Variants in ADAM19 observed in about 807,000 individuals in gnomAD.
ADAM19 encodes the protein disintegrin and metalloproteinase domain-containing protein 19.
A neutral mutation model predicts 114.7 loss-of-function variants in ADAM19; 65 were observed. The observed-to-expected ratio is 0.57, with a 90% CI of 0.46 to 0.70. The LOEUF (loss-of-function observed/expected upper bound fraction) is 0.70. Among genes scored for constraint, ADAM19 ranks in the 30% least tolerant of loss-of-function variants. The pLI is 0.00. For missense variants in ADAM19, 1,063 were observed against 1,204.7 expected (o/e 0.88, Z 1.74); for synonymous variants, 466 against 460.5 (o/e 1.01, Z -0.15).
rs1308690019 is a variant in ADAM19, at chr5:157,479,522, A to G, written c.*1427T>C. The stretch of plus-strand genomic sequence containing the variant: ...AGCAAACATCTCCAGGTGCTTTGCA[A>G]AAACCGTCCTATCTAGCAAAGCACC... On this transcript the variant is annotated 3_prime_UTR_variant, in exon 23 of 23. Transcript: ENST00000257527. 1 of 985,760 alleles carries G rather than the reference A, an allele frequency of 1.0e-6. No homozygotes were observed. The highest frequency in any genetic ancestry group is 1.2e-6 in the Non-Finnish European group (1 of 829,964). The allele number at this position is 985,760 out of a possible 1,614,324, so 61.1% of individuals were successfully genotyped here. A position where few individuals can be genotyped will look rare whatever the true frequency, so the allele number is the denominator to read the frequency against.
rs1456226824 is a variant in ADAM19, at chr5:157,499,557, GA to G, written c.1398+15del. ...GTCAGGCCAGGGCCCAAGGCGTGGA[GA>G]AAAGGGCCACTTACCTTACACTGGT... On this transcript the variant is annotated intron_variant, in intron 13 of 22. Coordinates refer to ENST00000257527, the MANE Select transcript of ADAM19 (RefSeq NM_033274.5). The G allele has an allele frequency of 6.2e-7, 1 of 1,609,396 alleles. No individual in the cohort carries two copies. The highest frequency in any genetic ancestry group is 8.5e-7 in the Non-Finnish European group (1 of 1,177,070).
intron 7 of ADAM19, among the ~76,000 whole-genome samples, chr5:157,516,024 A>G (rs759962986): frequency 6.6e-6 from 1 of 152,174 alleles, no homozygotes; most frequent in Non-Finnish European, 1.5e-5. Flanking sequence ...CAGAGCCCCA[A>G]GGCTCTGTCT....
At chr5:157,500,272 G>T (rs1432424605) in intron 12 of ADAM19, among the ~76,000 whole-genome samples, 1 of 152,048 alleles carries the variant, frequency 6.6e-6, no homozygotes, top group East Asian at 1.9e-4. Flanking sequence ...AAGTAGCTGG[G>T]ACCACAGGCA....
intron 3 of ADAM19, among the ~76,000 whole-genome samples, chr5:157,544,055 G>A (rs1049920478): frequency 1.3e-5 from 2 of 152,200 alleles, no homozygotes; most frequent in Non-Finnish European, 2.9e-5. Context: ...TGGCCCTAAA[G>A]CCAAATAAGG....
intron 5 of ADAM19, among the ~76,000 whole-genome samples, chr5:157,525,917 G>A (rs982344276): frequency 1.3e-5 from 2 of 152,084 alleles, no homozygotes; most frequent in Non-Finnish European, 2.9e-5. Context: ...GTTTTCGAAG[G>A]CAGGGCTGCT....
At chr5:157,573,942 C>T (rs112724886) in intron 1 of ADAM19, among the ~76,000 whole-genome samples, 2,149 of 152,230 alleles carry the variant, frequency 0.014, 40 homozygotes, top group South Asian at 0.095. Flanking sequence ...TGTTTGCTAC[C>T]TCATTAATGA....
chr5:157,513,172 C>A (rs535633313), intron 8 of ADAM19, among the ~76,000 whole-genome samples: 85 of 152,138 alleles, frequency 5.6e-4, no homozygotes, highest in Middle Eastern at 3.4e-3. Context: ...CAAAAAAAAA[C>A]CACACATTGA....
At position 157,502,973 on chromosome 5, in the gene ADAM19, AG is replaced by A; in HGVS notation, c.1137del (p.Val383CysfsTer68). 1 of 1,613,708 alleles carries A rather than the reference AG, an allele frequency of 6.2e-7. No homozygotes were observed. Among genetic ancestry groups the A allele is most frequent in the Non-Finnish European group, 8.5e-7 (1 of 1,179,626 alleles). ...GCIMAAATGH[P>X]FPKVFNGCNR... ...TTGCATCCATTGAACACTTTGGGAA[AG>A]GGGTGCCTGGCAGAGGACAAGGCTG... On this transcript the variant is annotated frameshift_variant, in exon 12 of 23. Coordinates refer to ENST00000257527, the MANE Select transcript of ADAM19 (RefSeq NM_033274.5). LOFTEE classifies it high-confidence loss of function.
intron 2 of ADAM19, chr5:157,568,193 G>T (rs150490975): frequency 6.6e-6 from 1 of 152,200 alleles, no homozygotes; most frequent in Admixed American, 6.5e-5. Flanking sequence ...GGCTGGTCTT[G>T]AACTCCTGAC....
At chr5:157,492,255 G>A (rs1399102837) in intron 16 of ADAM19, among the ~76,000 whole-genome samples, 2 of 152,128 alleles carry the variant, frequency 1.3e-5, no homozygotes, top group Non-Finnish European at 2.9e-5. Flanking sequence ...TTGTACCACT[G>A]CATTCCAGCC....
At chr5:157,505,155 A>C in intron 11 of ADAM19, among the ~76,000 whole-genome samples, 1 of 149,818 alleles carries the variant, frequency 6.7e-6, no homozygotes, top group Non-Finnish European at 1.5e-5. Flanking sequence ...TCATGACCAC[A>C]GGGAGATGCA....
chr5:157,525,440 C>T (rs1168815082), intron 5 of ADAM19, among the ~76,000 whole-genome samples: 3 of 152,158 alleles, frequency 2.0e-5, no homozygotes, highest in East Asian at 3.8e-4. Flanking sequence ...TCTTGTTTTA[C>T]AGAAAAGAGG....
intron 4 of ADAM19, 27 bp downstream of exon 4, chr5:157,537,886 G>C: frequency 6.3e-7 from 1 of 1,596,220 alleles, no homozygotes; most frequent in Non-Finnish European, 8.6e-7. Context: ...ACAGCTGCTG[G>C]ATAGACATTT....
Position 157,477,376 on chromosome 5 carries a change from A to C in ADAM19, c.*3573T>G, listed in dbSNP as rs1561834862. 8.0e-6 allele frequency: 8 copies of C among 1,001,566 alleles called. No individual in the cohort carries two copies. The highest frequency in any genetic ancestry group is 1.7e-5 in the African/African-American group (1 of 57,690). 62.0% of individuals were successfully genotyped at this position (1,001,566 alleles called of 1,614,324 possible). ...GGAAAAAAGGCACCATGGCCCATTC[A>C]AGTATTTTGCATAGATGTACAAATA... On this transcript the variant is annotated 3_prime_UTR_variant, in exon 23 of 23. Transcript: ENST00000257527.
intron 15 of ADAM19, among the ~76,000 whole-genome samples, chr5:157,493,639 C>T (rs949304060): frequency 6.6e-6 from 1 of 152,124 alleles, no homozygotes; most frequent in African/African-American, 2.4e-5. Flanking sequence ...CCCCACCCCC[C>T]TTACCTGGTC....
intron 21 of ADAM19, 103 bp downstream of exon 21, chr5:157,488,162 C>T: frequency 8.2e-7 from 1 of 1,222,116 alleles, no homozygotes; most frequent in Non-Finnish European, 1.2e-6. Flanking sequence ...AGGCAGTCAG[C>T]TCATGACCCC....
chr5:157,563,818 C>T (rs1757579191), intron 3 of ADAM19, among the ~76,000 whole-genome samples: 1 of 152,170 alleles, frequency 6.6e-6, no homozygotes, highest in Non-Finnish European at 1.5e-5. Flanking sequence ...CTGAGCCAGG[C>T]TACCACCCAA....
intron 11 of ADAM19, among the ~76,000 whole-genome samples, chr5:157,504,120 A>T (rs1755658398): frequency 6.6e-6 from 1 of 152,258 alleles, no homozygotes; most frequent in Non-Finnish European, 1.5e-5. Context: ...AGTAGTAATC[A>T]ATATAACTCT....
intron 21 of ADAM19, among the ~76,000 whole-genome samples, chr5:157,485,111 T>G (rs1362597057): frequency 6.6e-6 from 1 of 152,248 alleles, no homozygotes; most frequent in Non-Finnish European, 1.5e-5. Context: ...CGTCATCCCC[T>G]GCCAAGCAAT....
Sources: allele counts gnomAD v4.1 joint callset (sites outside exome capture counted in the v4.1 genomes callset), GRCh38; gene constraint gnomAD v4.1.1; transcripts MANE v1.5; gene names NCBI Gene and HGNC (gene_info 2026-07-23, HGNC 2026-07-21).